The following TANGO2 variants were observed in gnomAD, a reference collection of about 807,000 sequenced individuals.
TANGO2 encodes the protein transport and golgi organization 2 homolog, also known as transport and Golgi organization protein 2 homolog.
A neutral mutation model predicts 39.1 loss-of-function variants in TANGO2; 26 were observed. The ratio of observed to expected loss-of-function variants is 0.67; its 90% CI spans 0.49 to 0.92. The LOEUF (loss-of-function observed/expected upper bound fraction) is 0.92, where lower values mean the gene tolerates loss of function less well. Ranked by LOEUF, TANGO2 falls within the 40% of genes least tolerant of loss-of-function variation. The probability of loss-of-function intolerance (pLI) is 0.00; values close to 1 mark genes in which losing one functional copy is unlikely to be tolerated. For missense variants in TANGO2, 326 were observed against 360.1 expected, an observed-to-expected ratio of 0.91 and a Z score of 0.77; for synonymous variants, 131 against 144.5, an observed-to-expected ratio of 0.91 and a Z score of 0.67.
intron 1 of TANGO2, among the ~76,000 whole-genome samples, chr22:20,029,313 G>A (rs953325185): frequency 1.3e-5 from 2 of 152,220 alleles, no homozygotes; most frequent in African/African-American, 4.8e-5. Context: ...GACGGTGCAC[G>A]CTGGGAGAGT....
intron 1 of TANGO2, among the ~76,000 whole-genome samples, chr22:20,025,242 A>G (rs1301993481): frequency 4.0e-5 from 6 of 150,958 alleles, no homozygotes; most frequent in Admixed American, 1.3e-4. Context: ...ACAGGCGTGC[A>G]TCACCACGCC....
intron 1 of TANGO2, among the ~76,000 whole-genome samples, chr22:20,027,705 T>C (rs73389717): frequency 0.085 from 12,945 of 152,122 alleles, 1,535 homozygotes; most frequent in African/African-American, 0.26. Context: ...ACTCCTGGGC[T>C]CGAGCAATCC....
upstream of TANGO2, among the ~76,000 whole-genome samples, chr22:20,017,812 A>T (rs115340056): frequency 2.5e-3 from 379 of 152,274 alleles, 3 homozygotes; most frequent in African/African-American, 8.3e-3. Context: ...GTAGGGGGGA[A>T]CCAGCAGGGA....
At chr22:20,025,516 G>C (rs1046331561) in intron 1 of TANGO2, among the ~76,000 whole-genome samples, 1 of 152,088 alleles carries the variant, frequency 6.6e-6, no homozygotes, top group African/African-American at 2.4e-5. Flanking sequence ...CACAGCTACC[G>C]TCCATATCAC....
At chr22:20,037,808 T>C (rs1341180445) in intron 2 of TANGO2, among the ~76,000 whole-genome samples, 1 of 152,072 alleles carries the variant, frequency 6.6e-6, no homozygotes, top group Non-Finnish European at 1.5e-5. Flanking sequence ...CTAAAGAATG[T>C]AGGGGCTGGC....
chr22:20,039,644 C>CA (rs2043525395), intron 2 of TANGO2, among the ~76,000 whole-genome samples: 1 of 151,646 alleles, frequency 6.6e-6, no homozygotes, highest in African/African-American at 2.4e-5. Context: ...AAAGAAAAAA[C>CA]GAAAAAAAAC....
intron 3 of TANGO2, 109 bp downstream of exon 3, chr22:20,043,552 G>T: frequency 6.6e-6 from 5 of 760,708 alleles, no homozygotes; most frequent in Non-Finnish European, 1.1e-5. Flanking sequence ...GTGATGGCGG[G>T]GTGTAGAGGT....
intron 6 of TANGO2, among the ~76,000 whole-genome samples, chr22:20,060,165 C>T (rs867371267): frequency 1.2e-4 from 18 of 151,974 alleles, no homozygotes; most frequent in South Asian, 4.2e-4. Context: ...CTGGCTAAAC[C>T]GGTGAAACCC....
intron 5 of TANGO2, chr22:20,053,873 T>C (rs531287609): frequency 6.9e-5 from 28 of 404,686 alleles, no homozygotes; most frequent in Non-Finnish European, 1.2e-4. Context: ...AGAGCAGCCC[T>C]CCGCAGCCCT....
intron 1 of TANGO2, among the ~76,000 whole-genome samples, chr22:20,029,647 C>A (rs538430990): frequency 6.6e-6 from 1 of 152,288 alleles, no homozygotes; most frequent in South Asian, 2.1e-4. Context: ...CTGGAAGAGG[C>A]CTGTGCTCTG....
chr22:20,054,149 C>T (rs1285011605), intron 5 of TANGO2: 2 of 238,878 alleles, frequency 8.4e-6, no homozygotes, highest in Non-Finnish European at 1.7e-5. Context: ...GGGCCTCTCT[C>T]CTGGCTCCCG....
rs748701728 is a variant in TANGO2 at position 20,064,709 on chromosome 22, G to C, written c.*47G>C. ...GTGGGCTCCTGGGGGGCCCTGCCTT[G>C]AGGGGCACTGTGGACAGGAAACCTT... is the stretch of plus-strand genomic sequence containing the variant. On this transcript the variant is annotated 3_prime_UTR_variant, in exon 9 of 9. Coordinates refer to ENST00000327374, the MANE Select transcript of TANGO2 (RefSeq NM_152906.7). 24 of 1,608,222 alleles carry C rather than the reference G, an allele frequency of 1.5e-5. No homozygotes were observed.
At chr22:20,037,138 A>T (rs377033015) in intron 2 of TANGO2, 2 of 1,500,894 alleles carry the variant, frequency 1.3e-6, no homozygotes, top group East Asian at 2.3e-5. Flanking sequence ...CTGCAGTTCT[A>T]TGGGCTTTGA....
At chr22:20,037,464 A>G (rs1473256400) in intron 2 of TANGO2, among the ~76,000 whole-genome samples, 1 of 152,210 alleles carries the variant, frequency 6.6e-6, no homozygotes, top group Non-Finnish European at 1.5e-5. Flanking sequence ...TGAAACGTGT[A>G]ACCACTCTCT....
At position 20,064,609 on chromosome 22, in the gene TANGO2, A is replaced by G; in HGVS notation, c.778A>G (p.Lys260Glu). The G allele has an allele frequency of 6.2e-7, 1 of 1,614,108 alleles. No homozygotes were observed. Among genetic ancestry groups the G allele is most frequent in the Non-Finnish European group, 8.5e-7 (1 of 1,179,982 alleles). ...CTTCACTGAGCGTAGCATGATGGAC[A>G]AGGACCTCTCCCACTGGGAGACCAG... ...VTFTERSMMD[K>E]DLSHWETRTY... is the part of the protein sequence containing the mutation. The change falls in exon 9 of 9, where the codon AAG becomes GAG. Residue 260 changes from lysine (K) to glutamate (E), a missense_variant. Lys to Glu is a moderately conservative substitution (Grantham distance 56). Transcript: ENST00000327374.
intron 2 of TANGO2, among the ~76,000 whole-genome samples, chr22:20,038,538 C>A (rs1221444638): frequency 6.6e-6 from 1 of 152,216 alleles, no homozygotes. Flanking sequence ...GCCCCTCTTG[C>A]TTTCACTCAG....
chr22:20,062,113 G>A (rs763569271), intron 7 of TANGO2, among the ~76,000 whole-genome samples: 17 of 152,190 alleles, frequency 1.1e-4, no homozygotes, highest in Non-Finnish European at 1.8e-4. Flanking sequence ...TCCCGCAAGC[G>A]GTCTGTCCCC....
chr22:20,064,245 G>T (rs775859977), intron 8 of TANGO2, among the ~76,000 whole-genome samples: 2 of 152,198 alleles, frequency 1.3e-5, no homozygotes, highest in East Asian at 1.9e-4. Flanking sequence ...CAGCCCGCAG[G>T]CTGCCCTATG....
intron 2 of TANGO2, among the ~76,000 whole-genome samples, chr22:20,041,986 T>C (rs1367320160): frequency 1.5e-5 from 2 of 137,352 alleles, no homozygotes; most frequent in Non-Finnish European, 3.2e-5. Flanking sequence ...CAGCCATCAC[T>C]TTTTTTTTTT....
Sources: gnomAD v4.1 joint callset for allele counts (sites outside exome capture counted in the v4.1 genomes callset) on GRCh38, gnomAD v4.1.1 for gene constraint, MANE v1.5 for transcripts, NCBI Gene and HGNC (gene_info 2026-07-23, HGNC 2026-07-21) for gene names.